The following CDH13 variants were observed in gnomAD, a reference collection of about 807,000 sequenced individuals.
CDH13 encodes cadherin 13.
Under a neutral mutation model 63.8 loss-of-function variants are expected in CDH13, and 24 were observed. That is an observed-to-expected ratio of 0.38 (90% CI 0.27 to 0.53). CDH13 has a LOEUF of 0.53. CDH13 is among the 20% of genes least tolerant of loss of function. CDH13 has a pLI of 0.85. For missense variants in CDH13, 1,049 were observed against 903.1 expected, an observed-to-expected ratio of 1.16 and a Z score of -2.07; for synonymous variants, 503 against 355.3, an observed-to-expected ratio of 1.42 and a Z score of -4.67.
intron 7 of CDH13, among the ~76,000 whole-genome samples, chr16:83,564,408 T>G (rs796998202): frequency 3.8e-4 from 3 of 7,814 alleles, no homozygotes; most frequent in Non-Finnish European, 7.8e-4. Flanking sequence ...CTTTTTTTTT[T>G]TTTTTTTGTT....
chr16:83,203,670 A>AG (rs1383149673), intron 4 of CDH13, among the ~76,000 whole-genome samples: 1 of 151,068 alleles, frequency 6.6e-6, no homozygotes, highest in Non-Finnish European at 1.5e-5. Flanking sequence ...TCAAAAAAAA[A>AG]AAAAAAAAAA....
At chr16:83,605,288 C>T in intron 8 of CDH13, among the ~76,000 whole-genome samples, 1 of 152,194 alleles carries the variant, frequency 6.6e-6, no homozygotes, top group Non-Finnish European at 1.5e-5. Flanking sequence ...ATTAAATGTC[C>T]CAAAGGAGTC....
intron 7 of CDH13, among the ~76,000 whole-genome samples, chr16:83,506,361 C>G (rs1011879327): frequency 6.6e-6 from 1 of 152,136 alleles, no homozygotes; most frequent in Non-Finnish European, 1.5e-5. Context: ...CTCCTGACTC[C>G]TGCACTCAAA....
At chr16:82,742,622 T>C (rs930142578) in intron 1 of CDH13, among the ~76,000 whole-genome samples, 1 of 152,162 alleles carries the variant, frequency 6.6e-6, no homozygotes, top group African/African-American at 2.4e-5. Context: ...AATTCTGTTT[T>C]CTCTAATGTA....
chr16:83,515,107 T>A (rs906551946), intron 7 of CDH13, among the ~76,000 whole-genome samples: 3 of 152,156 alleles, frequency 2.0e-5, no homozygotes, highest in African/African-American at 7.2e-5. Context: ...GTCGTAGGTC[T>A]GCTGGGTTCA....
rs1445171072 is a variant in CDH13 at position 82,863,707 on chromosome 16, T to G, written c.157+5234T>G. On this transcript the variant is annotated intron_variant, in intron 2 of 13. Coordinates refer to ENST00000567109, the MANE Select transcript of CDH13 (RefSeq NM_001257.5). ...TTACTATTATTATCATTACTTTCAT[T>G]CATAGACCTCAGCTAGATCCACTTT... Among the ~76,000 whole-genome samples, 3 of 152,200 alleles carry G rather than the reference T, an allele frequency of 2.0e-5. No individual in the cohort carries two copies. In the East Asian group the frequency reaches 5.8e-4, roughly 29 times the overall value.
chr16:83,143,842 GA>G (rs1389458035), intron 4 of CDH13, among the ~76,000 whole-genome samples: 1 of 151,958 alleles, frequency 6.6e-6, no homozygotes, highest in Non-Finnish European at 1.5e-5. Context: ...ACTCTATTAA[GA>G]TAAACTAATC....
intron 3 of CDH13, among the ~76,000 whole-genome samples, chr16:83,037,398 C>G (rs1488647263): frequency 1.3e-5 from 2 of 152,170 alleles, no homozygotes; most frequent in Non-Finnish European, 2.9e-5. Context: ...GGCTGTGCCA[C>G]TGGGGAGGCT....
intron 5 of CDH13, among the ~76,000 whole-genome samples, chr16:83,269,172 T>C (rs75817972): frequency 0.067 from 10,212 of 152,264 alleles, 422 homozygotes; most frequent in Middle Eastern, 0.15. Context: ...TGAGGCTTCT[T>C]AGAAATTCAA....
chr16:83,465,245 T>A (rs935336312), intron 6 of CDH13, among the ~76,000 whole-genome samples: 1 of 151,970 alleles, frequency 6.6e-6, no homozygotes, highest in African/African-American at 2.4e-5. Context: ...AAGCCAGAAG[T>A]GTTAAGGTGT....
At chr16:83,433,929 AT>A in intron 6 of CDH13, among the ~76,000 whole-genome samples, 1 of 152,006 alleles carries the variant, frequency 6.6e-6, no homozygotes, top group East Asian at 1.9e-4. Flanking sequence ...GTTGGAAAGT[AT>A]TTCCTTTGCG....
At chr16:82,830,814 C>G (rs180935907) in intron 1 of CDH13, among the ~76,000 whole-genome samples, 48 of 152,158 alleles carry the variant, frequency 3.2e-4, no homozygotes, top group African/African-American at 1.1e-3. Context: ...GAAAATAATC[C>G]CACCCTGGGC....
chr16:83,297,204 C>T (rs2089622932), intron 5 of CDH13, among the ~76,000 whole-genome samples: 1 of 151,980 alleles, frequency 6.6e-6, no homozygotes, highest in Non-Finnish European at 1.5e-5. Flanking sequence ...TATTGTGTAT[C>T]TGAAAATAGC....
At chr16:83,693,854 C>T (rs964489853) in intron 10 of CDH13, among the ~76,000 whole-genome samples, 1 of 152,194 alleles carries the variant, frequency 6.6e-6, no homozygotes, top group Non-Finnish European at 1.5e-5. Context: ...CAAAGTACCT[C>T]ACACTATGCA....
chr16:83,730,075 C>A (rs576882136), intron 10 of CDH13, among the ~76,000 whole-genome samples: 1 of 152,346 alleles, frequency 6.6e-6, no homozygotes, highest in African/African-American at 2.4e-5. Context: ...GTCATCTTGT[C>A]ATGCTGTGTT....
At chr16:83,211,179 G>A (rs1364563864) in intron 4 of CDH13, among the ~76,000 whole-genome samples, 1 of 150,962 alleles carries the variant, frequency 6.6e-6, no homozygotes, top group African/African-American at 2.4e-5. Context: ...TAGAAAAACT[G>A]ATGAAATCTG....
chr16:83,112,966 G>GT (rs1480303369), intron 3 of CDH13, among the ~76,000 whole-genome samples: 1 of 152,134 alleles, frequency 6.6e-6, no homozygotes, highest in Non-Finnish European at 1.5e-5. Context: ...CTCATGTCTG[G>GT]TACACATGAT....
chr16:82,682,700 C>T (rs1425605351), intron 1 of CDH13, among the ~76,000 whole-genome samples: 1 of 152,156 alleles, frequency 6.6e-6, no homozygotes, highest in Non-Finnish European at 1.5e-5. Context: ...TGGAGGTGGA[C>T]ACAAAGTAAT....
At chr16:83,284,127 G>A in intron 5 of CDH13, among the ~76,000 whole-genome samples, 1 of 152,108 alleles carries the variant, frequency 6.6e-6, no homozygotes, top group Admixed American at 6.6e-5. Context: ...TCATCCCGCA[G>A]TTTTCAAAGA....
Sources: gnomAD v4.1 joint callset for allele counts (sites outside exome capture counted in the v4.1 genomes callset) on GRCh38, gnomAD v4.1.1 for gene constraint, MANE v1.5 for transcripts, NCBI Gene and HGNC (gene_info 2026-07-23, HGNC 2026-07-21) for gene names.